Variants in STK10 observed in about 807,000 individuals in gnomAD.
STK10 encodes serine/threonine kinase 10.
STK10 carries 78 observed loss-of-function variants against 113.8 expected under a neutral mutation model. That is an observed-to-expected ratio of 0.69 (90% confidence interval 0.57 to 0.83). The LOEUF (loss-of-function observed/expected upper bound fraction) is 0.83. Ranked by LOEUF, STK10 falls within the 40% of genes least tolerant of loss-of-function variation. The probability of loss-of-function intolerance (pLI) is 0.00; values close to 1 mark genes in which losing one functional copy is unlikely to be tolerated. For synonymous variants in STK10, 465 were observed against 494.7 expected (o/e 0.94, Z 0.80); for missense variants, 1,109 against 1,280.1 (o/e 0.87, Z 2.04).
At position 172,090,307 on chromosome 5, in the gene STK10, C is replaced by T. The variant is rs1371493400; in HGVS notation, c.1610G>A (p.Gly537Asp). Residue 537 changes from glycine to aspartate, a missense_variant, in exon 10 of 19, where the codon GGT (glycine) becomes GAT (aspartate). Around this residue, in one of 5 missense-constraint regions of STK10, gnomAD observed 885 missense variants for 991.1 expected, o/e 0.89. Transcript: ENST00000176763. ...LKRTRKFVVDGVEVSITTSKI... is the reference protein window; with the variant it reads ...LKRTRKFVVDDVEVSITTSKI... ...GGAGGTGGTGATGCTCACCTCCACA[C>T]CATCCACCACAAATTTGCGTGTCCG... 1.9e-6 allele frequency: 3 copies of T among 1,614,122 alleles called. No homozygotes were observed. The East Asian group carries it at 6.7e-5, about 36-fold the overall frequency.
chr5:172,181,222 C>T (rs1238252950), intron 1 of STK10, among the ~76,000 whole-genome samples: 2 of 152,150 alleles, frequency 1.3e-5, no homozygotes, highest in Non-Finnish European at 2.9e-5. Flanking sequence ...GCCTACTTAC[C>T]GCAGCATGTG....
At chr5:172,160,862 G>C (rs1298381607) in intron 1 of STK10, among the ~76,000 whole-genome samples, 2 of 152,146 alleles carry the variant, frequency 1.3e-5, no homozygotes, top group Non-Finnish European at 2.9e-5. Flanking sequence ...ATTTGCATCA[G>C]GATCCTCTAA....
In STK10 at chr5:172,131,913, T is replaced by A. The variant is rs572060334; in HGVS notation, c.322-4492A>T. On this transcript the variant is annotated intron_variant, in intron 2 of 18. Coordinates refer to ENST00000176763, the MANE Select transcript of STK10 (RefSeq NM_005990.4). Reference sequence around the variant, plus strand: ...TGAGGGCTCCACCCTCATGAATGAATTAGTGCTGATTATAAAAGGGCTAGA... The same window carrying A: ...TGAGGGCTCCACCCTCATGAATGAAATAGTGCTGATTATAAAAGGGCTAGA... Among the ~76,000 whole-genome samples, 28 of 152,270 alleles carry A rather than the reference T, an allele frequency of 1.8e-4. 1 individual carries two copies. Among genetic ancestry groups the A allele is most frequent in the African/African-American group, 6.5e-4 (27 of 41,558 alleles).
intron 10 of STK10, among the ~76,000 whole-genome samples, chr5:172,089,182 T>C (rs1768632874): frequency 6.6e-6 from 1 of 152,186 alleles, no homozygotes; most frequent in South Asian, 2.1e-4. Context: ...CCCTTATCCT[T>C]TAGGCCTGGC....
intron 9 of STK10, among the ~76,000 whole-genome samples, chr5:172,091,531 C>CTTT (rs778673700): frequency 0.15 from 19,893 of 131,624 alleles, 1,927 homozygotes; most frequent in African/African-American, 0.25. Context: ...TTCAAAGCCT[C>CTTT]TTTTTTTTTT....
chr5:172,077,985 C>A, intron 12 of STK10, among the ~76,000 whole-genome samples: 1 of 142,234 alleles, frequency 7.0e-6, no homozygotes, highest in South Asian at 2.1e-4. Flanking sequence ...AGGCTGCTCA[C>A]CTGGTGGGGG....
At chr5:172,057,509 G>A (rs202203654) in intron 14 of STK10, 36 bp from the exon 15 acceptor site, 19 of 1,533,306 alleles carry the variant, frequency 1.2e-5, no homozygotes, top group Admixed American at 2.0e-5. Context: ...GTGAGGTGCT[G>A]ACAACCAGAG....
intron 2 of STK10, among the ~76,000 whole-genome samples, chr5:172,145,885 C>T (rs994536127): frequency 6.6e-6 from 1 of 152,170 alleles, no homozygotes; most frequent in African/African-American, 2.4e-5. Context: ...GTGCTGTGTC[C>T]ATGCTGGAAA....
At chr5:172,086,325 T>C (rs1768559977) in intron 10 of STK10, among the ~76,000 whole-genome samples, 1 of 151,756 alleles carries the variant, frequency 6.6e-6, no homozygotes. Flanking sequence ...TTCTGGAAAG[T>C]GGGAAGAGAG....
intron 1 of STK10, among the ~76,000 whole-genome samples, chr5:172,171,121 C>T (rs1466012605): frequency 6.6e-6 from 1 of 152,136 alleles, no homozygotes; most frequent in Non-Finnish European, 1.5e-5. Flanking sequence ...ATCAACAGTC[C>T]TTGTGGTGCT....
At chr5:172,049,460 G>C (rs1767578972) in intron 18 of STK10, among the ~76,000 whole-genome samples, 1 of 152,286 alleles carries the variant, frequency 6.6e-6, no homozygotes, top group East Asian at 1.9e-4. Flanking sequence ...AGCCCAGCAG[G>C]GAACGAGGGA....
intron 4 of STK10, chr5:172,115,218 T>G (rs1769353317): frequency 6.6e-6 from 1 of 152,414 alleles, no homozygotes; most frequent in African/African-American, 2.4e-5. Context: ...GACCCCCTCC[T>G]GCCTGGGCCT....
chr5:172,084,851 G>A (rs1768516526), intron 10 of STK10, among the ~76,000 whole-genome samples: 1 of 152,164 alleles, frequency 6.6e-6, no homozygotes, highest in South Asian at 2.1e-4. Context: ...AGAATTTGAT[G>A]TCAGTGCTCA....
chr5:172,081,978 G>A (rs1003014433), intron 12 of STK10, among the ~76,000 whole-genome samples: 2 of 152,100 alleles, frequency 1.3e-5, no homozygotes, highest in Non-Finnish European at 2.9e-5. Context: ...GCACCCACTC[G>A]CCCTTCTGGG....
At chr5:172,061,655 T>C (rs1744022640) in intron 13 of STK10, 1 of 160,254 alleles carries the variant, frequency 6.2e-6, no homozygotes, top group South Asian at 1.7e-4. Context: ...TTTCACCATG[T>C]TGGTCAGGCT....
rs560715840 is a variant in STK10 at position 172,050,023 on chromosome 5, G to A, written c.2766+2906C>T. Among the ~76,000 whole-genome samples, 17 of 152,236 alleles carry A rather than the reference G, an allele frequency of 1.1e-4. No individual in the cohort carries two copies. In the South Asian group the frequency reaches 1.5e-3, roughly 13 times the overall value. ...TCGCCATGTTGGCCAGGCTGGTCTC[G>A]AACTCTTAACCTCAGGTGATCCACC... is the stretch of plus-strand genomic sequence containing the variant. On this transcript the variant is annotated intron_variant, in intron 18 of 18. Transcript: ENST00000176763.
intron 1 of STK10, 95 bp from the exon 2 acceptor site, chr5:172,156,883 GA>G: frequency 7.1e-7 from 1 of 1,408,294 alleles, no homozygotes; most frequent in Non-Finnish European, 9.6e-7. Flanking sequence ...TGTGAAAACA[GA>G]GGCCGGATGT....
At chr5:172,166,620 C>T (rs1168430168) in intron 1 of STK10, among the ~76,000 whole-genome samples, 1 of 152,230 alleles carries the variant, frequency 6.6e-6, no homozygotes, top group East Asian at 1.9e-4. Flanking sequence ...ATTCTTCTGC[C>T]AAAAGAATCT....
In STK10 at chr5:172,153,816, C is replaced by T. The variant is rs867352265; in HGVS notation, c.321+2808G>A. On this transcript the variant is annotated intron_variant, in intron 2 of 18. Transcript: ENST00000176763. ...GGACTTCTCCCTTCTACACTTTTGC[C>T]CATTTGCTGGTCCCTCTACTTTGAC... is the stretch of plus-strand genomic sequence containing the variant. 5.3e-5 allele frequency among the ~76,000 whole-genome samples: 8 copies of T among 152,324 alleles called. No individual in the cohort carries two copies. In the South Asian group the frequency reaches 1.5e-3, roughly 28 times the overall value.
Sources: gnomAD v4.1 joint callset for allele counts (sites outside exome capture counted in the v4.1 genomes callset) on GRCh38, gnomAD v4.1.1 for gene constraint, gnomAD v4.1.1 regional missense constraint, MANE v1.5 for transcripts, NCBI Gene and HGNC (gene_info 2026-07-23, HGNC 2026-07-21) for gene names.